The following MAGI3 variants were observed in gnomAD, a reference collection of about 807,000 sequenced individuals.
MAGI3 encodes the protein membrane-associated guanylate kinase, WW and PDZ domain-containing protein 3.
MAGI3 carries 43 observed loss-of-function variants against 121.8 expected under a neutral mutation model. The ratio of observed to expected loss-of-function variants is 0.35; its 90% CI spans 0.28 to 0.46. The LOEUF (loss-of-function observed/expected upper bound fraction) is 0.46. Ranked by LOEUF, MAGI3 falls within the 20% of genes least tolerant of loss-of-function variation. The pLI, the probability that MAGI3 is intolerant of heterozygous loss-of-function variation, is 1.00. For missense variants in MAGI3, 1,547 were observed against 1,797.3 expected, an observed-to-expected ratio of 0.86 and a Z score of 2.52; for synonymous variants, 553 against 639.3, an observed-to-expected ratio of 0.86 and a Z score of 2.04.
At chr1:113,438,923 T>C (rs761839053) in intron 1 of MAGI3, among the ~76,000 whole-genome samples, 5 of 152,210 alleles carry the variant, frequency 3.3e-5, no homozygotes, top group African/African-American at 9.7e-5. Flanking sequence ...CAGCATTCAA[T>C]TTCTTTTTCC....
intron 1 of MAGI3, among the ~76,000 whole-genome samples, chr1:113,431,645 T>G (rs1653304429): frequency 6.6e-6 from 1 of 152,136 alleles, no homozygotes; most frequent in East Asian, 1.9e-4. Context: ...TATATCAAGA[T>G]GTAAGTGTGA....
chr1:113,675,686 T>C (rs1041629181), intron 19 of MAGI3, among the ~76,000 whole-genome samples: 15 of 152,004 alleles, frequency 9.9e-5, no homozygotes, highest in Non-Finnish European at 1.9e-4. Context: ...GTGGACTAGA[T>C]AAAATAAAGA....
chr1:113,435,066 T>C (rs1339333258), intron 1 of MAGI3, among the ~76,000 whole-genome samples: 1 of 152,242 alleles, frequency 6.6e-6, no homozygotes, highest in African/African-American at 2.4e-5. Context: ...GTTAATATAC[T>C]ATTTTCCTTA....
intron 19 of MAGI3, among the ~76,000 whole-genome samples, chr1:113,675,374 A>T (rs899295816): frequency 3.9e-5 from 6 of 152,222 alleles, no homozygotes; most frequent in Non-Finnish European, 5.9e-5. Context: ...AAGGAAGAGT[A>T]AAGGATGACT....
intron 1 of MAGI3, 24 bp from the exon 2 acceptor site, chr1:113,549,491 T>G (rs1047470185): frequency 1.5e-5 from 18 of 1,214,876 alleles, no homozygotes; most frequent in Middle Eastern, 4.3e-4. Context: ...TATTTTCTGT[T>G]TTTTTTTTTT....
At chr1:113,536,216 A>G (rs1250507522) in intron 1 of MAGI3, among the ~76,000 whole-genome samples, 2 of 151,712 alleles carry the variant, frequency 1.3e-5, no homozygotes. Flanking sequence ...TCAAATTTCT[A>G]CTTCTAATAT....
At chr1:113,460,669 C>T (rs1432214806) in intron 1 of MAGI3, among the ~76,000 whole-genome samples, 3 of 151,928 alleles carry the variant, frequency 2.0e-5, no homozygotes, top group South Asian at 2.1e-4. Flanking sequence ...ATTAGCCGGG[C>T]GTGGTGGTGG....
chr1:113,614,712 A>G, intron 7 of MAGI3, 54 bp downstream of exon 7: 1 of 1,275,334 alleles, frequency 7.8e-7, no homozygotes. Flanking sequence ...TTCAGCATAT[A>G]GCTTTAGAGA....
intron 1 of MAGI3, among the ~76,000 whole-genome samples, chr1:113,513,207 T>C (rs147121325): frequency 0.064 from 9,696 of 152,172 alleles, 347 homozygotes; most frequent in Non-Finnish European, 0.076. Context: ...CTGCCCAAGG[T>C]AATTTAGAGA....
chr1:113,572,797 A>G (rs958510516), intron 2 of MAGI3, among the ~76,000 whole-genome samples: 47 of 151,450 alleles, frequency 3.1e-4, no homozygotes, highest in African/African-American at 1.1e-3. Context: ...CTTCTTTTTT[A>G]TTCTGGCTAG....
intron 1 of MAGI3, among the ~76,000 whole-genome samples, chr1:113,483,389 C>T (rs1374236014): frequency 6.6e-6 from 1 of 151,950 alleles, no homozygotes; most frequent in Non-Finnish European, 1.5e-5. Flanking sequence ...AGGGTAAAGC[C>T]CTCATGATGG....
chr1:113,579,197 C>A (rs115490565), intron 2 of MAGI3, among the ~76,000 whole-genome samples: 6 of 152,032 alleles, frequency 3.9e-5, no homozygotes, highest in Non-Finnish European at 8.8e-5. Context: ...TGAATCAAAT[C>A]GACATGGTTT....
intron 9 of MAGI3, among the ~76,000 whole-genome samples, chr1:113,639,367 G>T (rs1463815334): frequency 6.6e-6 from 1 of 152,126 alleles, no homozygotes; most frequent in African/African-American, 2.4e-5. Flanking sequence ...TTCCTATTCG[G>T]CCATCTCGGC....
rs71090716 is a variant in MAGI3, at chr1:113,633,238, A to AT, written c.1361-8632dup. Reference sequence around the variant, plus strand: ...TCCCTACAAAGGACATGAACTCATCATTTTTTTTTTTTTTTTTTTTTTTTT... The same window carrying AT: ...TCCCTACAAAGGACATGAACTCATCATTTTTTTTTTTTTTTTTTTTTTTTTT... On this transcript the variant is annotated intron_variant, in intron 9 of 20. Coordinates refer to ENST00000307546, the MANE Select transcript of MAGI3 (RefSeq NM_001142782.2). Among the ~76,000 whole-genome samples, 189 of 56,666 alleles carry AT rather than the reference A, an allele frequency of 3.3e-3. 59 individuals are homozygous for AT. The highest frequency in any genetic ancestry group is 5.3e-3 in the Admixed American group (18 of 3,388). The allele number at this position is 56,666 out of a possible 152,430, so 37.2% of individuals were successfully genotyped here. A position where few individuals can be genotyped will look rare whatever the true frequency, so the allele number is the denominator to read the frequency against.
At chr1:113,583,597 T>TC (rs1648177622) in intron 3 of MAGI3, among the ~76,000 whole-genome samples, 1 of 152,160 alleles carries the variant, frequency 6.6e-6, no homozygotes, top group South Asian at 2.1e-4. Flanking sequence ...TCCTTGATAC[T>TC]GTGATTAATG....
chr1:113,536,017 G>T (rs1658960289), intron 1 of MAGI3, among the ~76,000 whole-genome samples: 2 of 151,752 alleles, frequency 1.3e-5, no homozygotes. Context: ...TTTTGTCTCT[G>T]CCTCTCTCCC....
intron 1 of MAGI3, among the ~76,000 whole-genome samples, chr1:113,477,328 TC>T (rs1424681763): frequency 6.6e-6 from 1 of 152,236 alleles, no homozygotes; most frequent in Non-Finnish European, 1.5e-5. Flanking sequence ...GCATCGATGG[TC>T]TTTACAATTT....
chr1:113,423,259 T>TGGG (rs780415816), intron 1 of MAGI3, among the ~76,000 whole-genome samples: 2 of 120,228 alleles, frequency 1.7e-5, no homozygotes, highest in South Asian at 3.6e-4. Context: ...TTTTTTTTTT[T>TGGG]GGGGGGGGGG....
chr1:113,539,665 G>A (rs1349851334), intron 1 of MAGI3, among the ~76,000 whole-genome samples: 1 of 151,716 alleles, frequency 6.6e-6, no homozygotes, highest in Non-Finnish European at 1.5e-5. Flanking sequence ...CTAGCATTAG[G>A]TATTTGCATA....
Sources: gnomAD v4.1 joint callset for allele counts (sites outside exome capture counted in the v4.1 genomes callset) on GRCh38, gnomAD v4.1.1 for gene constraint, MANE v1.5 for transcripts, NCBI Gene and HGNC (gene_info 2026-07-23, HGNC 2026-07-21) for gene names.